The following NXPH1 variants were observed in gnomAD, a reference collection of about 807,000 sequenced individuals.
The protein encoded by NXPH1 is neurexophilin 1.
A neutral mutation model predicts 23.7 loss-of-function variants in NXPH1; 5 were observed. The ratio of observed to expected loss-of-function variants is 0.21; its 90% CI spans 0.11 to 0.44. The LOEUF (loss-of-function observed/expected upper bound fraction) is 0.44, where lower values mean the gene tolerates loss of function less well. Among genes scored for constraint, NXPH1 ranks in the 20% least tolerant of loss-of-function variants. NXPH1 has a pLI of 0.99. For missense variants in NXPH1, 324 were observed against 321.6 expected (o/e 1.01, Z -0.06); for synonymous variants, 144 against 122.2 (o/e 1.18, Z -1.18).
At chr7:8,536,307 T>A (rs1818025124) in intron 2 of NXPH1, among the ~76,000 whole-genome samples, 1 of 151,904 alleles carries the variant, frequency 6.6e-6, no homozygotes, top group East Asian at 1.9e-4. Flanking sequence ...TTGAGGGGAG[T>A]AAACATGGGT....
chr7:8,711,280 T>G (rs928470237), intron 2 of NXPH1, among the ~76,000 whole-genome samples: 1 of 152,240 alleles, frequency 6.6e-6, no homozygotes, highest in Non-Finnish European at 1.5e-5. Context: ...TCTTACTTTG[T>G]TTTCTTTTTG....
At chr7:8,629,119 G>A (rs181102740) in intron 2 of NXPH1, among the ~76,000 whole-genome samples, 9 of 152,156 alleles carry the variant, frequency 5.9e-5, no homozygotes, top group Admixed American at 5.9e-4. Flanking sequence ...TTATGAAAAT[G>A]ATTGATATTA....
intron 2 of NXPH1, among the ~76,000 whole-genome samples, chr7:8,658,273 A>G (rs1820613515): frequency 6.6e-6 from 1 of 152,192 alleles, no homozygotes; most frequent in African/African-American, 2.4e-5. Flanking sequence ...TCCTACTACT[A>G]TGTTTTATTC....
chr7:8,566,657 C>T (rs1259508856), intron 2 of NXPH1, among the ~76,000 whole-genome samples: 1 of 151,786 alleles, frequency 6.6e-6, no homozygotes, highest in African/African-American at 2.4e-5. Context: ...ACCAGTGGCC[C>T]TCATGAGTTC....
intron 2 of NXPH1, among the ~76,000 whole-genome samples, chr7:8,666,049 G>T (rs1820758678): frequency 1.5e-5 from 1 of 65,806 alleles, no homozygotes; most frequent in African/African-American, 4.7e-5. Flanking sequence ...TCTTTCTTTT[G>T]TCTATTTTTT....
At chr7:8,596,471 G>C (rs942087930) in intron 2 of NXPH1, among the ~76,000 whole-genome samples, 2 of 152,110 alleles carry the variant, frequency 1.3e-5, no homozygotes, top group South Asian at 2.1e-4. Context: ...TTTTTTATTG[G>C]AATGAACTTT....
intron 2 of NXPH1, among the ~76,000 whole-genome samples, chr7:8,718,333 G>A (rs1379180690): frequency 6.6e-6 from 1 of 152,140 alleles, no homozygotes; most frequent in Non-Finnish European, 1.5e-5. Context: ...AGTAGGCTTA[G>A]AGCAGTGTAG....
rs1821213746 is a variant in NXPH1 at position 8,691,025 on chromosome 7, A to G, written c.55-59983A>G. On this transcript the variant is annotated intron_variant, in intron 2 of 2. Coordinates refer to ENST00000405863, the MANE Select transcript of NXPH1 (RefSeq NM_152745.3). ...AGTTAACAATTGGTAGATTCACTTG[A>G]CTGTGAGTCTAACTGATTGGGGTGA... Among the ~76,000 whole-genome samples, 2 of 152,168 alleles carry G rather than the reference A, an allele frequency of 1.3e-5. 1 individual carries two copies. Among genetic ancestry groups the G allele is most frequent in the Admixed American group, 1.3e-4 (2 of 15,272 alleles).
At chr7:8,503,309 C>A (rs1006488244) in intron 2 of NXPH1, among the ~76,000 whole-genome samples, 1 of 151,970 alleles carries the variant, frequency 6.6e-6, no homozygotes, top group Non-Finnish European at 1.5e-5. Flanking sequence ...TAATAAGGAG[C>A]AGAGCTAGGG....
intron 2 of NXPH1, among the ~76,000 whole-genome samples, chr7:8,596,459 GT>G (rs1345859835): frequency 6.6e-6 from 1 of 152,022 alleles, no homozygotes; most frequent in Admixed American, 6.6e-5. Context: ...CTGCCAAAGT[GT>G]TTTTTTATTG....
At chr7:8,592,313 T>C (rs545536920) in intron 2 of NXPH1, among the ~76,000 whole-genome samples, 1 of 152,112 alleles carries the variant, frequency 6.6e-6, no homozygotes, top group South Asian at 2.1e-4. Flanking sequence ...ATACATAATA[T>C]AGCAACAATT....
At chr7:8,526,959 GT>G (rs1477233898) in intron 2 of NXPH1, among the ~76,000 whole-genome samples, 1 of 151,966 alleles carries the variant, frequency 6.6e-6, no homozygotes, top group East Asian at 1.9e-4. Context: ...TTTAATTCCT[GT>G]TCTTGTAATA....
At chr7:8,484,176 C>T (rs144527189) in intron 2 of NXPH1, among the ~76,000 whole-genome samples, 14 of 152,218 alleles carry the variant, frequency 9.2e-5, no homozygotes, top group African/African-American at 3.4e-4. Context: ...GTCACTAAGA[C>T]ACTGCCCTAC....
rs1170428689 is a variant in NXPH1, at chr7:8,656,972, C to T, written c.55-94036C>T. 2.0e-5 allele frequency among the ~76,000 whole-genome samples: 3 copies of T among 152,154 alleles called. No homozygotes were observed. In the South Asian group the frequency reaches 6.2e-4, roughly 32 times the overall value. The stretch of plus-strand genomic sequence containing the variant: ...TCAGCAATGGATTTTTTATTTTGGT[C>T]CTCATTCCAATTGTGTATGGCAGAG... On this transcript the variant is annotated intron_variant, in intron 2 of 2. Transcript: ENST00000405863.
intron 2 of NXPH1, among the ~76,000 whole-genome samples, chr7:8,495,178 C>A (rs1033073346): frequency 6.6e-6 from 1 of 151,824 alleles, no homozygotes; most frequent in Non-Finnish European, 1.5e-5. Context: ...GTTTGTAGGG[C>A]AGGTTGGTAG....
chr7:8,678,547 G>C (rs1440706456), intron 2 of NXPH1, among the ~76,000 whole-genome samples: 2 of 152,096 alleles, frequency 1.3e-5, no homozygotes. Flanking sequence ...GCTGGCTGTA[G>C]TGGATGGGCA....
At chr7:8,734,305 C>T (rs746197915) in intron 2 of NXPH1, among the ~76,000 whole-genome samples, 9 of 152,230 alleles carry the variant, frequency 5.9e-5, no homozygotes, top group East Asian at 1.9e-4. Context: ...AGTCAGGTAG[C>T]GTGATGCCTC....
chr7:8,643,255 A>G (rs79591462), intron 2 of NXPH1, among the ~76,000 whole-genome samples: 7,218 of 152,218 alleles, frequency 0.047, 382 homozygotes, highest in East Asian at 0.17. Flanking sequence ...TCGCTATTTT[A>G]TCTTGACATT....
chr7:8,584,766 C>A (rs75585332), intron 2 of NXPH1, among the ~76,000 whole-genome samples: 6,991 of 152,224 alleles, frequency 0.046, 459 homozygotes, highest in African/African-American at 0.14. Context: ...ATTTAAACAT[C>A]TAGTAATTTC....
Sources: allele counts gnomAD v4.1 joint callset (sites outside exome capture counted in the v4.1 genomes callset), GRCh38; gene constraint gnomAD v4.1.1; transcripts MANE v1.5; gene names NCBI Gene and HGNC (gene_info 2026-07-23, HGNC 2026-07-21).